Variants in HECW1 observed in about 807,000 individuals in gnomAD.
HECW1 encodes HECT, C2 and WW domain containing E3 ubiquitin protein ligase 1.
A neutral mutation model predicts 182.3 loss-of-function variants in HECW1; 61 were observed. That is an observed-to-expected ratio of 0.33 (90% CI 0.27 to 0.41). HECW1 has a LOEUF of 0.41. Ranked by LOEUF, HECW1 falls within the 10% of genes least tolerant of loss-of-function variation. The pLI is 1.00. For synonymous variants in HECW1, 859 were observed against 832.6 expected (o/e 1.03, Z -0.55); for missense variants, 1,739 against 2,108.9 (o/e 0.82, Z 3.44).
chr7:43,383,873 T>C (rs997268496), intron 6 of HECW1, among the ~76,000 whole-genome samples: 26 of 152,346 alleles, frequency 1.7e-4, no homozygotes, highest in African/African-American at 6.0e-4. Context: ...TTATATACCA[T>C]ATTCTTACAA....
chr7:43,192,185 C>T (rs909301460), intron 2 of HECW1, among the ~76,000 whole-genome samples: 2 of 152,166 alleles, frequency 1.3e-5, no homozygotes, highest in Admixed American at 6.5e-5. Context: ...TCTCAAACTC[C>T]TGACCTCAGG....
chr7:43,258,015 G>A (rs550635015), intron 3 of HECW1, among the ~76,000 whole-genome samples: 1 of 152,176 alleles, frequency 6.6e-6, no homozygotes, highest in Non-Finnish European at 1.5e-5. Context: ...TAATAAAATT[G>A]AAAATCAGAA....
chr7:43,422,593 G>T (rs10257742), intron 8 of HECW1, among the ~76,000 whole-genome samples: 124,044 of 151,864 alleles, frequency 0.82, 51,352 homozygotes, highest in East Asian at 0.99. Flanking sequence ...GGTCTTGAAC[G>T]CCTGATGTCA....
intron 19 of HECW1, among the ~76,000 whole-genome samples, chr7:43,498,730 C>T (rs2079212168): frequency 6.6e-6 from 1 of 152,126 alleles, no homozygotes; most frequent in Non-Finnish European, 1.5e-5. Flanking sequence ...GATGCCATTT[C>T]CTGCAACGGT....
chr7:43,561,827 C>T lies in HECW1; in HGVS notation c.4722C>T (p.Cys1574=). ...TCTCCCCATTCAGGGCACACACATG[C>T]TTCAACCGACTGGATCTTCCACCGT... ...KITSLPRAHT[C]FNRLDLPPYP... The change falls in exon 30 of 30, where the codon TGC becomes TGT. Residue 1574 remains cysteine, a synonymous_variant. Transcript: ENST00000395891. 1 of 1,612,544 alleles carries T rather than the reference C, an allele frequency of 6.2e-7. No homozygotes were observed. Among genetic ancestry groups the T allele is most frequent in the Non-Finnish European group, 8.5e-7 (1 of 1,178,572 alleles).
chr7:43,564,766 T>G lies in HECW1; in HGVS notation c.*2840T>G, dbSNP rs1180445255. On this transcript the variant is annotated 3_prime_UTR_variant, in exon 30 of 30. Transcript: ENST00000395891. ...TTTTAAATTATATATAATTTTTCAT[T>G]CAATATGTATATGAAATGAAATAGC... 8.3e-5 allele frequency: 15 copies of G among 180,098 alleles called. No homozygotes were observed. The South Asian group carries it at 1.6e-3, about 19-fold the overall frequency. The allele number at this position is 180,098 out of a possible 1,614,324, so 11.2% of individuals were successfully genotyped here. A position where few individuals can be genotyped will look rare whatever the true frequency, so the allele number is the denominator to read the frequency against.
intron 5 of HECW1, among the ~76,000 whole-genome samples, chr7:43,335,604 G>T (rs930139176): frequency 2.6e-5 from 4 of 152,232 alleles, no homozygotes; most frequent in African/African-American, 9.6e-5. Context: ...AAGCAACTCA[G>T]TCTATGATAT....
At chr7:43,232,670 C>T (rs11983836) in intron 2 of HECW1, among the ~76,000 whole-genome samples, 3,588 of 152,222 alleles carry the variant, frequency 0.024, 130 homozygotes, top group African/African-American at 0.07. Flanking sequence ...ACTCATGATA[C>T]CTCTTAAAAC....
intron 2 of HECW1, among the ~76,000 whole-genome samples, chr7:43,229,593 C>T (rs1207244159): frequency 6.6e-6 from 1 of 151,308 alleles, no homozygotes; most frequent in Non-Finnish European, 1.5e-5. Context: ...TTTGCCTGTA[C>T]AACAAATCTG....
intron 5 of HECW1, among the ~76,000 whole-genome samples, chr7:43,322,162 C>T (rs755916918): frequency 1.5e-4 from 23 of 152,178 alleles, no homozygotes; most frequent in Non-Finnish European, 2.5e-4. Flanking sequence ...CTCCGCCTCC[C>T]GGGTTCAAGC....
At chr7:43,203,526 T>C (rs1795195726) in intron 2 of HECW1, among the ~76,000 whole-genome samples, 1 of 152,210 alleles carries the variant, frequency 6.6e-6, no homozygotes, top group Non-Finnish European at 1.5e-5. Flanking sequence ...ATCTTGCTTA[T>C]TGCATCTTCT....
rs1401249364 is a variant in HECW1, at chr7:43,564,896, A to T, written c.*2970A>T. The T allele has an allele frequency of 2.7e-5, 5 of 185,244 alleles. No homozygotes were observed. Among genetic ancestry groups the T allele is most frequent in the African/African-American group, 1.2e-4 (5 of 42,620 alleles). 11.5% of individuals were successfully genotyped at this position (185,244 alleles called of 1,614,324 possible). A position where few individuals can be genotyped will look rare whatever the true frequency, so the allele number is the denominator to read the frequency against. On this transcript the variant is annotated 3_prime_UTR_variant, in exon 30 of 30. Transcript: ENST00000395891. Reference sequence around the variant, plus strand: ...TACCACCTGTAATTTTTTTTTAAGCATGAGTTTTCTCCATGGAGGCAAATT... The same window carrying T: ...TACCACCTGTAATTTTTTTTTAAGCTTGAGTTTTCTCCATGGAGGCAAATT...
At chr7:43,503,926 A>C (rs529384135) in intron 21 of HECW1, among the ~76,000 whole-genome samples, 2 of 152,284 alleles carry the variant, frequency 1.3e-5, no homozygotes, top group Admixed American at 6.5e-5. Flanking sequence ...TACATCCCAA[A>C]ACCTGGTATT....
chr7:43,408,633 C>T (rs2075691811), intron 8 of HECW1, among the ~76,000 whole-genome samples: 1 of 152,004 alleles, frequency 6.6e-6, no homozygotes, highest in Admixed American at 6.5e-5. Context: ...TTGTAGTGAG[C>T]TGGGATCATG....
intron 6 of HECW1, among the ~76,000 whole-genome samples, chr7:43,384,380 G>A (rs921065305): frequency 6.6e-6 from 1 of 152,180 alleles, no homozygotes; most frequent in Admixed American, 6.5e-5. Flanking sequence ...GAACACCTCT[G>A]GAGGGAATGT....
chr7:43,345,458 T>C lies in HECW1; in HGVS notation c.461-15428T>C, dbSNP rs139130427. 9.0e-3 allele frequency among the ~76,000 whole-genome samples: 1,363 copies of C among 152,254 alleles called. 23 individuals carry two copies. The highest frequency in any genetic ancestry group is 0.032 in the African/African-American group (1,323 of 41,542). ...ATTTTATTTTATTTTCCATAAGTTA[T>C]TGGGGTACAAGTGGTATTTGGTTAC... On this transcript the variant is annotated intron_variant, in intron 5 of 29. Transcript: ENST00000395891.
chr7:43,465,535 C>T (rs2077735106), intron 14 of HECW1, among the ~76,000 whole-genome samples: 1 of 152,198 alleles, frequency 6.6e-6, no homozygotes, highest in African/African-American at 2.4e-5. Flanking sequence ...TCTCTTGAAA[C>T]CCTGATGCAG....
At chr7:43,471,713 T>C (rs1338712637) in intron 16 of HECW1, among the ~76,000 whole-genome samples, 57 of 152,112 alleles carry the variant, frequency 3.7e-4, no homozygotes, top group Non-Finnish European at 8.8e-5. Flanking sequence ...AGGGAGGCAG[T>C]CACCATCAGA....
chr7:43,156,069 A>G (rs4636109), intron 2 of HECW1, among the ~76,000 whole-genome samples: 69,705 of 152,150 alleles, frequency 0.46, 18,661 homozygotes, highest in African/African-American at 0.75. Flanking sequence ...AACTGGGGGA[A>G]ATAAATTCTA....
Sources: allele counts gnomAD v4.1 joint callset (sites outside exome capture counted in the v4.1 genomes callset), GRCh38; gene constraint gnomAD v4.1.1; transcripts MANE v1.5; gene names NCBI Gene and HGNC (gene_info 2026-07-23, HGNC 2026-07-21).